APBB1: variants seen among roughly 807,000 people sequenced by gnomAD.
APBB1 encodes amyloid beta precursor protein binding family B member 1.
APBB1 carries 22 observed loss-of-function variants against 78.4 expected under a neutral mutation model. That is an observed-to-expected ratio of 0.28 (90% CI 0.20 to 0.40). APBB1 has a LOEUF of 0.40. Ranked by LOEUF, APBB1 falls within the 10% of genes least tolerant of loss-of-function variation. APBB1 has a pLI of 1.00. For missense variants in APBB1, 749 were observed against 932.4 expected, an observed-to-expected ratio of 0.80 and a Z score of 2.56; for synonymous variants, 369 against 372.7, an observed-to-expected ratio of 0.99 and a Z score of 0.12.
chr11:6,396,190 G>A lies in APBB1; in HGVS notation c.1698C>T (p.Leu566=), dbSNP rs747758712. 3.1e-5 allele frequency: 48 copies of A among 1,551,184 alleles called. No individual in the cohort carries two copies. Among genetic ancestry groups the A allele is most frequent in the East Asian group, 4.9e-5 (2 of 40,932 alleles). ...PVGVDVINGA[L]ESVLSSSSRE... is the part of the protein sequence containing the mutation. ...GGCTGCTGGAGGACAGGACTGACTC[G>A]AGGGCCCCATTAATCACATCTACCC... The change falls in exon 13 of 15, where the codon CTC becomes CTT. Residue 566 remains leucine, a synonymous_variant. Coordinates refer to ENST00000609360, the MANE Select transcript of APBB1 (RefSeq NM_001164.5).
In APBB1 at chr11:6,401,076, T is replaced by C. The variant is rs759446538; in HGVS notation, c.1589-4A>G. 3.1e-6 allele frequency: 5 copies of C among 1,614,074 alleles called. No individual in the cohort carries two copies. Among genetic ancestry groups the C allele is most frequent in the East Asian group, 4.5e-5 (2 of 44,864 alleles). On this transcript the variant is annotated splice_region_variant and splice_polypyrimidine_tract_variant and intron_variant, in intron 11 of 14. Transcript: ENST00000609360. The surrounding 1 kb of genome is among the most constrained non-coding windows in gnomAD (Gnocchi z 4.5). ...TTCTTAGGCGCTGGGAATTCCACTA[T>C]GGGAAAGAAGAGAAGGTTGATCATG...
rs1848933553 is a variant in APBB1 at position 6,410,607 on chromosome 11, T to G, written c.721+20A>C. 2.6e-6 allele frequency: 4 copies of G among 1,510,484 alleles called. No homozygotes were observed. The highest frequency in any genetic ancestry group is 3.5e-6 in the Non-Finnish European group (4 of 1,129,542). The allele number at this position is 1,510,484 out of a possible 1,614,324, so 93.6% of individuals were successfully genotyped here. On this transcript the variant is annotated intron_variant, in intron 2 of 14. Transcript: ENST00000609360. ...GCCCTCACACCCTCCCACATGCCCA[T>G]GTCAAGCTCCACAAGGTACCTGTGT...
chr11:6,397,133 CGCTG>C (rs1460365728), intron 12 of APBB1, among the ~76,000 whole-genome samples: 2 of 152,252 alleles, frequency 1.3e-5, no homozygotes, highest in African/African-American at 2.4e-5. Flanking sequence ...CACACTCATA[CGCTG>C]GCTGTGTGAT....
At chr11:6,409,027 GT>G (rs555460151) in intron 2 of APBB1, among the ~76,000 whole-genome samples, 45 of 148,668 alleles carry the variant, frequency 3.0e-4, no homozygotes, top group Non-Finnish European at 4.3e-4. Context: ...ATTGTGGTGG[GT>G]TTTTTTTTTA....
At chr11:6,417,554 T>C (rs1032480022) in intron 1 of APBB1, among the ~76,000 whole-genome samples, 2 of 152,200 alleles carry the variant, frequency 1.3e-5, no homozygotes, top group Non-Finnish European at 2.9e-5. Flanking sequence ...GAATAAGTGA[T>C]TGGAAGCATT....
intron 2 of APBB1, chr11:6,404,919 C>T: frequency 6.9e-7 from 1 of 1,457,920 alleles, no homozygotes; most frequent in Non-Finnish European, 9.0e-7. Flanking sequence ...CCCTTCTCAC[C>T]AGGGCAGAGC....
rs373330405 is a variant in APBB1 at position 6,399,695 on chromosome 11, G to A, written c.1672+1294C>T. On this transcript the variant is annotated intron_variant, in intron 12 of 14. Coordinates refer to ENST00000609360, the MANE Select transcript of APBB1 (RefSeq NM_001164.5). ...GCTTTCAAAATTCAAATCTGATTAAGGCAAGTGCACTCTCGGAGACTTCAA... is the reference window on the plus strand; with the variant it reads ...GCTTTCAAAATTCAAATCTGATTAAAGCAAGTGCACTCTCGGAGACTTCAA... 3.4e-4 allele frequency among the ~76,000 whole-genome samples: 52 copies of A among 152,260 alleles called. No homozygotes were observed. The South Asian group carries it at 0.01, about 30-fold the overall frequency.
chr11:6,408,717 T>C (rs574191112), intron 2 of APBB1, among the ~76,000 whole-genome samples: 1 of 152,290 alleles, frequency 6.6e-6, no homozygotes, highest in South Asian at 2.1e-4. Context: ...TTGGCCAGGC[T>C]GATCTCGAAC....
rs2134119364 is a variant in APBB1, at chr11:6,419,046, C to G, written c.-76G>C. 2.5e-6 allele frequency: 1 copy of G among 392,486 alleles called. No homozygotes were observed. The highest frequency in any genetic ancestry group is 3.6e-5 in the East Asian group (1 of 27,650). 24.3% of individuals were successfully genotyped at this position (392,486 alleles called of 1,614,324 possible). A position where few individuals can be genotyped will look rare whatever the true frequency, so the allele number is the denominator to read the frequency against. On this transcript the variant is annotated 5_prime_UTR_variant, in exon 1 of 15. Coordinates refer to ENST00000609360, the MANE Select transcript of APBB1 (RefSeq NM_001164.5). ...GGCTCAGGCTGCGGGGTTCGGGCTC[C>G]GCCGCGGCTTCTCCATCACAACATC... is the stretch of plus-strand genomic sequence containing the variant.
In APBB1 at chr11:6,410,710, C is replaced by T. The variant is rs1178890393; in HGVS notation, c.638G>A (p.Arg213Gln). The T allele has an allele frequency of 2.0e-5, 31 of 1,550,884 alleles. No individual in the cohort carries two copies. Among genetic ancestry groups the T allele is most frequent in the Admixed American group, 3.8e-5 (2 of 52,150 alleles). The change falls in exon 2 of 15, where the codon CGG (arginine) becomes CAG (glutamine). Residue 213 changes from arginine to glutamine, a missense_variant. Physicochemically the swap from Arg to Gln is conservative, Grantham distance 43. Coordinates refer to ENST00000609360, the MANE Select transcript of APBB1 (RefSeq NM_001164.5). ...SKSASLLFGMRNSAASDEDSS... is the reference protein window; with the variant it reads ...SKSASLLFGMQNSAASDEDSS... ...GTCCTCATCACTGGCTGCACTGTTC[C>T]GCATGCCAAACAGGAGGCTGGCACT...
At chr11:6,400,878 G>A (rs1260873127) in intron 12 of APBB1, 111 bp downstream of exon 12, 1 of 993,822 alleles carries the variant, frequency 1.0e-6, no homozygotes, top group Non-Finnish European at 1.6e-6. Context: ...AAAGGGTAGG[G>A]AGACACCAAG....
At chr11:6,413,882 T>A (rs1849048198) in intron 1 of APBB1, among the ~76,000 whole-genome samples, 1 of 152,192 alleles carries the variant, frequency 6.6e-6, no homozygotes, top group East Asian at 1.9e-4. Context: ...CGTGGGGCTG[T>A]TGATCTGCTC....
At position 6,401,869 on chromosome 11, in the gene APBB1, G is replaced by A. The variant is rs1353978853; in HGVS notation, c.1388+108C>T. 1 of 1,487,258 alleles carries A rather than the reference G, an allele frequency of 6.7e-7. No individual in the cohort carries two copies. The highest frequency in any genetic ancestry group is 9.2e-7 in the Non-Finnish European group (1 of 1,092,656). 92.1% of individuals were successfully genotyped at this position (1,487,258 alleles called of 1,614,324 possible). ...AGACAGGCAAGCATGCTGAGGTGGA[G>A]GGTAATGGTGGAGCATAGCGGGTGG... On this transcript the variant is annotated intron_variant, in intron 9 of 14. Transcript: ENST00000609360. This position sits in a 1 kb window ranked among gnomAD's most constrained non-coding sequence, Gnocchi z 4.5.
In APBB1 at chr11:6,396,130, G is replaced by A. The variant is rs138326612; in HGVS notation, c.1758C>T (p.Ala586=). The A allele has an allele frequency of 4.4e-5, 68 of 1,556,504 alleles. No individual in the cohort carries two copies. The African/African-American group carries it at 6.4e-4, about 15-fold the overall frequency. Residue 586 remains alanine, a synonymous_variant, in exon 13 of 15, where the codon GCC becomes GCT. Coordinates refer to ENST00000609360, the MANE Select transcript of APBB1 (RefSeq NM_001164.5). ...GGTGCAAGATGGTGAGGGTAGCAGG[G>A]GCCACACTGACATGACTTGGGGTCC... The part of the protein sequence containing the change: ...EQWTPSHVSV[A]PATLTILHQQ...
rs1182337761 is a variant in APBB1, at chr11:6,401,079, G to T, written c.1589-7C>A. On this transcript the variant is annotated splice_region_variant and splice_polypyrimidine_tract_variant and intron_variant, in intron 11 of 14. Transcript: ENST00000609360. The surrounding 1 kb of genome is among the most constrained non-coding windows in gnomAD (Gnocchi z 4.5). ...TTAGGCGCTGGGAATTCCACTATGG[G>T]AAAGAAGAGAAGGTTGATCATGGTG... The T allele has an allele frequency of 2.9e-5, 47 of 1,614,000 alleles. No homozygotes were observed. The highest frequency in any genetic ancestry group is 6.7e-5 in the Admixed American group (4 of 60,004).
chr11:6,402,877 A>T, intron 6 of APBB1, 152 bp from the exon 7 acceptor site: 2 of 991,210 alleles, frequency 2.0e-6, no homozygotes, highest in South Asian at 3.3e-5. Context: ...GGATGTGGTT[A>T]GGGTGAGGGA....
At chr11:6,405,339 G>A (rs1222738619) in intron 2 of APBB1, 2 of 986,762 alleles carry the variant, frequency 2.0e-6, no homozygotes, top group East Asian at 1.1e-4. Context: ...GCCCCAGCAA[G>A]CTTGAGGCTG....
intron 2 of APBB1, chr11:6,405,003 CT>C: frequency 2.8e-6 from 4 of 1,427,240 alleles, no homozygotes; most frequent in Non-Finnish European, 3.7e-6. Flanking sequence ...AGGGAATCTC[CT>C]TGGGGGGTGG....
chr11:6,405,263 G>A, intron 2 of APBB1: 1 of 1,003,932 alleles, frequency 1.0e-6, no homozygotes, highest in Non-Finnish European at 1.2e-6. Flanking sequence ...AAGGCCTTCA[G>A]GGATCCCGCC....
Sources: gnomAD v4.1 joint callset for allele counts (sites outside exome capture counted in the v4.1 genomes callset) on GRCh38, gnomAD v4.1.1 for gene constraint, Gnocchi (gnomAD v3.1) non-coding constraint, MANE v1.5 for transcripts, NCBI Gene and HGNC (gene_info 2026-07-23, HGNC 2026-07-21) for gene names.